Variants in FBXO42 observed in about 807,000 individuals in gnomAD.
FBXO42 encodes the protein F-box only protein 42.
FBXO42 carries 12 observed loss-of-function variants against 71.7 expected under a neutral mutation model. The observed-to-expected ratio is 0.17, with a 90% confidence interval of 0.11 to 0.27. The LOEUF is 0.27. Among genes scored for constraint, FBXO42 ranks in the 10% least tolerant of loss-of-function variants. The pLI is 1.00. For synonymous variants in FBXO42, 325 were observed against 327.5 expected (o/e 0.99, Z 0.08); for missense variants, 707 against 911.9 (o/e 0.78, Z 2.89).
intron 3 of FBXO42, among the ~76,000 whole-genome samples, chr1:16,301,952 A>C (rs1425418547): frequency 1.3e-5 from 2 of 152,124 alleles, no homozygotes; most frequent in African/African-American, 4.8e-5. Flanking sequence ...GCACAAACAG[A>C]ATTTGTCATA....
At chr1:16,350,760 AGAAAGAAAG>A (rs1405220557) in intron 1 of FBXO42, among the ~76,000 whole-genome samples, 9 of 130,778 alleles carry the variant, frequency 6.9e-5, no homozygotes, top group African/African-American at 2.5e-4. Flanking sequence ...AAAAAAAAAA[AGAAAGAAAG>A]AAAGAAAGAA....
At chr1:16,292,193 G>C (rs1309945087) in intron 4 of FBXO42, 1 of 152,216 alleles carries the variant, frequency 6.6e-6, no homozygotes, top group East Asian at 1.9e-4. Context: ...ATTCCATAGA[G>C]AATGTAAATG....
Position 16,253,787 on chromosome 1 carries a change from G to C in FBXO42, c.768-56C>G, listed in dbSNP as rs751621831. On this transcript the variant is annotated intron_variant, in intron 6 of 9. Coordinates refer to ENST00000375592, the MANE Select transcript of FBXO42 (RefSeq NM_018994.3). ...GTTAGGAGCTCCCAGGGACCATAAT[G>C]GTGGCTGGGGAGTTCCACATGCCTG... The C allele has an allele frequency of 4.7e-4, 716 of 1,517,016 alleles. 3 individuals carry two copies. Among genetic ancestry groups the C allele is most frequent in the South Asian group, 6.8e-4 (60 of 88,140 alleles). 94.0% of individuals were successfully genotyped at this position (1,517,016 alleles called of 1,614,324 possible). A position where few individuals can be genotyped will look rare whatever the true frequency, so the allele number is the denominator to read the frequency against.
chr1:16,268,808 GAACA>G (rs1003264903), intron 4 of FBXO42, among the ~76,000 whole-genome samples: 2 of 151,708 alleles, frequency 1.3e-5, no homozygotes, highest in Non-Finnish European at 2.9e-5. Context: ...TACTAAAAAC[GAACA>G]AACAAACGAA....
intron 4 of FBXO42, among the ~76,000 whole-genome samples, chr1:16,283,006 A>G (rs2081981134): frequency 6.6e-6 from 1 of 151,596 alleles, no homozygotes; most frequent in African/African-American, 2.4e-5. Context: ...ATGCTGATCC[A>G]CCATCTTATC....
At chr1:16,256,800 T>G in intron 4 of FBXO42, 41 bp from the exon 5 acceptor site, 1 of 1,606,450 alleles carries the variant, frequency 6.2e-7, no homozygotes, top group Non-Finnish European at 8.5e-7. Context: ...ATTCAGGATC[T>G]CACAACAATC....
chr1:16,306,715 C>T (rs1241006103), intron 2 of FBXO42, among the ~76,000 whole-genome samples: 1 of 151,404 alleles, frequency 6.6e-6, no homozygotes, highest in Admixed American at 6.6e-5. Flanking sequence ...TTATTTTTTT[C>T]TTTAGACAGG....
chr1:16,351,827 TGCAGGTTCAGAGATGCTAGCCCCCAGCC>T (rs2082705194), intron 1 of FBXO42, among the ~76,000 whole-genome samples: 1 of 152,214 alleles, frequency 6.6e-6, no homozygotes, highest in South Asian at 2.1e-4. Flanking sequence ...CCTTTGCAGC[TGCAGGTTCAGAGATGCTAGCCCCCAGCC>T]GCAGCCCCAA....
At chr1:16,266,813 G>A (rs1042220649) in intron 4 of FBXO42, among the ~76,000 whole-genome samples, 5 of 152,282 alleles carry the variant, frequency 3.3e-5, no homozygotes, top group Admixed American at 6.5e-5. Context: ...AATTTGGACA[G>A]ATATTTCCCA....
chr1:16,319,651 G>C (rs1170841833), intron 1 of FBXO42, among the ~76,000 whole-genome samples: 1 of 152,108 alleles, frequency 6.6e-6, no homozygotes, highest in African/African-American at 2.4e-5. Context: ...GGTGGCTCAC[G>C]CCTGTAATCC....
rs150310717 is a variant in FBXO42, at chr1:16,257,073, T to C, written c.503-314A>G. On this transcript the variant is annotated intron_variant, in intron 4 of 9. Coordinates refer to ENST00000375592, the MANE Select transcript of FBXO42 (RefSeq NM_018994.3). ...TAAGGCTGTTTTGAGTATTAAATAG[T>C]ATATTCAAAGCACCTAACATAATGC... 2.0e-3 allele frequency among the ~76,000 whole-genome samples: 307 copies of C among 152,310 alleles called. 7 individuals carry two copies. In the East Asian group the frequency reaches 0.055, roughly 27 times the overall value.
intron 2 of FBXO42, among the ~76,000 whole-genome samples, chr1:16,311,444 T>C (rs2082310997): frequency 6.9e-6 from 1 of 144,026 alleles, no homozygotes; most frequent in Middle Eastern, 3.8e-3. Flanking sequence ...GCTATGACCA[T>C]GCCACTGTGC....
chr1:16,268,136 A>C (rs2081798904), intron 4 of FBXO42, among the ~76,000 whole-genome samples: 1 of 151,398 alleles, frequency 6.6e-6, no homozygotes, highest in South Asian at 2.1e-4. Context: ...TGGGGGGCAT[A>C]GGGGGTACTC....
intron 1 of FBXO42, among the ~76,000 whole-genome samples, chr1:16,331,285 C>T (rs1390996999): frequency 4.7e-5 from 7 of 149,400 alleles, no homozygotes; most frequent in African/African-American, 1.2e-4. Context: ...TGGTGGCGGG[C>T]GCCTGTAGTC....
In FBXO42 at chr1:16,253,715, C is replaced by T. The variant is rs767328940; in HGVS notation, c.784G>A (p.Val262Ile). The change falls in exon 7 of 10, where the codon GTC (valine) becomes ATC (isoleucine). Residue 262 changes from valine to isoleucine, a missense_variant. Physicochemically the swap from Val to Ile is conservative, Grantham distance 29. This residue lies in a region of FBXO42 where 482 missense variants were observed against 587.1 expected (regional missense o/e 0.82). Transcript: ENST00000375592. The part of the protein sequence containing the change: ...GSRQMSNDVW[V>I]LDLEQWAWSK... ...CACGCCCACTGCTCAAGGTCAAGGA[C>T]CCAGACATCATTGCTCCTGTGAATT... 5.0e-6 allele frequency: 8 copies of T among 1,614,016 alleles called. No individual in the cohort carries two copies. The South Asian group carries it at 8.8e-5, about 18-fold the overall frequency.
intron 1 of FBXO42, among the ~76,000 whole-genome samples, chr1:16,330,181 T>C (rs1315873595): frequency 6.6e-6 from 1 of 152,162 alleles, no homozygotes; most frequent in East Asian, 1.9e-4. Flanking sequence ...TAAAACTTTC[T>C]GTGTATCTAT....
At position 16,352,279 on chromosome 1, in the gene FBXO42, C is replaced by T; in HGVS notation, c.-42G>A. 1 of 396,224 alleles carries T rather than the reference C, an allele frequency of 2.5e-6. No individual in the cohort carries two copies. Among genetic ancestry groups the T allele is most frequent in the Non-Finnish European group, 4.5e-6 (1 of 224,694 alleles). 24.5% of individuals were successfully genotyped at this position (396,224 alleles called of 1,614,324 possible). On this transcript the variant is annotated 5_prime_UTR_variant, in exon 1 of 10. Transcript: ENST00000375592. ...CCTGGCCCAGCCCGCTCCACGCTCT[C>T]GGGTTCGCTCCGCTGGCGACGGTAA...
At chr1:16,333,842 T>C (rs2082524849) in intron 1 of FBXO42, among the ~76,000 whole-genome samples, 1 of 152,202 alleles carries the variant, frequency 6.6e-6, no homozygotes, top group Non-Finnish European at 1.5e-5. Context: ...TGAAAACTGT[T>C]AATACTAGTT....
chr1:16,260,059 A>G (rs1000286572), intron 4 of FBXO42, among the ~76,000 whole-genome samples: 1 of 152,140 alleles, frequency 6.6e-6, no homozygotes, highest in Admixed American at 6.6e-5. Context: ...CAGTGTGCCT[A>G]TGCTTGGGGA....
Sources: gnomAD v4.1 joint callset for allele counts (sites outside exome capture counted in the v4.1 genomes callset) on GRCh38, gnomAD v4.1.1 for gene constraint, gnomAD v4.1.1 regional missense constraint, MANE v1.5 for transcripts, NCBI Gene and HGNC (gene_info 2026-07-23, HGNC 2026-07-21) for gene names.